Variants in FXR2 observed in about 807,000 individuals in gnomAD.
FXR2 encodes the protein RNA-binding protein FXR2.
Under a neutral mutation model 87.3 loss-of-function variants are expected in FXR2, and 9 were observed. That is an observed-to-expected ratio of 0.10 (90% confidence interval 0.06 to 0.18). FXR2 has a LOEUF of 0.18. Ranked by LOEUF, FXR2 falls within the 10% of genes least tolerant of loss-of-function variation. The probability of loss-of-function intolerance (pLI) is 1.00; values close to 1 mark genes in which losing one functional copy is unlikely to be tolerated. For synonymous variants in FXR2, 331 were observed against 328.3 expected (o/e 1.01, Z -0.09); for missense variants, 661 against 893.6 (o/e 0.74, Z 3.32).
In FXR2 at chr17:7,594,266, T is replaced by A; in HGVS notation, c.992A>T (p.Asp331Val). Residue 331 changes from aspartate (D) to valine (V), a missense_variant, in exon 10 of 17, where the codon GAT (aspartate) becomes GTT (valine). Coordinates refer to ENST00000250113, the MANE Select transcript of FXR2 (RefSeq NM_004860.4). This position sits in a 1 kb window ranked among gnomAD's most constrained non-coding sequence, Gnocchi z 5.1. ...SGVVRVRVEGDNDKKNPREEG... is the reference protein window; with the variant it reads ...SGVVRVRVEGVNDKKNPREEG... ...CTCCCTGGGGTTCTTCTTGTCATTA[T>A]CACCTTCCACTCGAACCCTCACCAC... is the stretch of plus-strand genomic sequence containing the variant. The A allele has an allele frequency of 6.2e-7, 1 of 1,609,090 alleles. No individual in the cohort carries two copies. The highest frequency in any genetic ancestry group is 8.5e-7 in the Non-Finnish European group (1 of 1,175,450).
chr17:7,609,996 A>G (rs1320936449), intron 1 of FXR2, among the ~76,000 whole-genome samples: 2 of 135,004 alleles, frequency 1.5e-5, no homozygotes, highest in South Asian at 2.4e-4. Context: ...ATATACATGT[A>G]TATGTATACA....
In FXR2 at chr17:7,596,833, T is replaced by A. The variant is rs115043604; in HGVS notation, c.661-839A>T. On this transcript the variant is annotated intron_variant, in intron 7 of 16. Coordinates refer to ENST00000250113, the MANE Select transcript of FXR2 (RefSeq NM_004860.4). The stretch of plus-strand genomic sequence containing the variant: ...AAAGTGAGGGGTAGGCTGTGCGCGG[T>A]GGCTCACGCCTGTAATTCCAGCACT... 5.4e-3 allele frequency among the ~76,000 whole-genome samples: 817 copies of A among 152,194 alleles called. 10 individuals carry two copies. The highest frequency in any genetic ancestry group is 0.019 in the African/African-American group (782 of 41,524).
chr17:7,603,900 A>G lies in FXR2; in HGVS notation c.306T>C (p.Tyr102=), dbSNP rs193039126. 20 of 1,614,020 alleles carry G rather than the reference A, an allele frequency of 1.2e-5. No individual in the cohort carries two copies. In the African/African-American group the frequency reaches 1.7e-4, roughly 14 times the overall value. ...CATCACAGGCAGCATATTCAATGAC[A>G]TAGAACTGGCACATGGTAAAAAAGG... ...ARVRMMKGDF[Y]VIEYAACDAT... Residue 102 remains tyrosine (Y), a synonymous_variant, in exon 5 of 17, where the codon TAT becomes TAC. Coordinates refer to ENST00000250113, the MANE Select transcript of FXR2 (RefSeq NM_004860.4).
rs1401514041 is a variant in FXR2, at chr17:7,613,455, G to C, written c.81+997C>G. Among the ~76,000 whole-genome samples, 5 of 152,176 alleles carry C rather than the reference G, an allele frequency of 3.3e-5. No homozygotes were observed. The East Asian group carries it at 9.6e-4, about 29-fold the overall frequency. On this transcript the variant is annotated intron_variant, in intron 1 of 16. Coordinates refer to ENST00000250113, the MANE Select transcript of FXR2 (RefSeq NM_004860.4). ...TAGAAAATAGATTCAGAGCAGATAAGGAAGGTGGTATTATAAGGAGTTCTA... is the reference window on the plus strand; with the variant it reads ...TAGAAAATAGATTCAGAGCAGATAACGAAGGTGGTATTATAAGGAGTTCTA...
At chr17:7,603,659 C>A in intron 5 of FXR2, 98 bp downstream of exon 5, 1 of 1,191,546 alleles carries the variant, frequency 8.4e-7, no homozygotes, top group Non-Finnish European at 1.2e-6. Context: ...AGGGGAACAA[C>A]AGAGAAAACT....
intron 1 of FXR2, among the ~76,000 whole-genome samples, chr17:7,610,519 T>A (rs964403051): frequency 6.6e-6 from 1 of 152,166 alleles, no homozygotes; most frequent in African/African-American, 2.4e-5. Context: ...ATCTCTCACA[T>A]TACTCAGCAG....
At chr17:7,609,793 C>T (rs542024257) in intron 1 of FXR2, among the ~76,000 whole-genome samples, 11 of 151,288 alleles carry the variant, frequency 7.3e-5, no homozygotes, top group Admixed American at 1.3e-4. Flanking sequence ...ACTTGGAGGC[C>T]GAGGTCGGTA....
In FXR2 at chr17:7,605,628, T is replaced by TACTC; in HGVS notation, c.228+13_228+16dup. ...GGGAAAAGTGACATTTAGAAAGGTG[T>TACTC]ACTCCACAGCCCTTACCTCCACTTC... On this transcript the variant is annotated intron_variant, in intron 3 of 16. Coordinates refer to ENST00000250113, the MANE Select transcript of FXR2 (RefSeq NM_004860.4). The TACTC allele has an allele frequency of 2.4e-6, 3 of 1,255,080 alleles. No individual in the cohort carries two copies. The highest frequency in any genetic ancestry group is 3.5e-6 in the Non-Finnish European group (3 of 857,160). 77.7% of individuals were successfully genotyped at this position (1,255,080 alleles called of 1,614,324 possible). A position where few individuals can be genotyped will look rare whatever the true frequency, so the allele number is the denominator to read the frequency against.
rs1375052617 is a variant in FXR2 at position 7,604,769 on chromosome 17, T to C, written c.229-689A>G. 2.0e-5 allele frequency among the ~76,000 whole-genome samples: 3 copies of C among 147,508 alleles called. No homozygotes were observed. In the East Asian group the frequency reaches 6.6e-4, roughly 32 times the overall value. On this transcript the variant is annotated intron_variant, in intron 3 of 16. Transcript: ENST00000250113. ...AGAGTTTCGCTCTTGGTGCTCAGGC[T>C]GGAGTGCAATGGCACAATCTCAGCT...
intron 1 of FXR2, among the ~76,000 whole-genome samples, chr17:7,607,563 G>C (rs2071813343): frequency 6.6e-6 from 1 of 151,722 alleles, no homozygotes; most frequent in Non-Finnish European, 1.5e-5. Flanking sequence ...GAGTAGCTGA[G>C]ATTACAGGCA....
At chr17:7,604,499 C>T (rs1180321221) in intron 3 of FXR2, among the ~76,000 whole-genome samples, 1 of 151,894 alleles carries the variant, frequency 6.6e-6, no homozygotes, top group Non-Finnish European at 1.5e-5. Context: ...CAAGACCAGC[C>T]TGGCCAACAT....
chr17:7,594,894 G>A lies in FXR2; in HGVS notation c.832-137C>T. The A allele has an allele frequency of 1.6e-6, 1 of 636,424 alleles. No individual in the cohort carries two copies. Among genetic ancestry groups the A allele is most frequent in the Non-Finnish European group, 2.8e-6 (1 of 355,106 alleles). The allele number at this position is 636,424 out of a possible 1,614,324, so 39.4% of individuals were successfully genotyped here. The stretch of plus-strand genomic sequence containing the variant: ...AGCTCAAGAGTTCAAGACTAGCCTG[G>A]GCAATATGGTGAAACGCCATCTCTA... On this transcript the variant is annotated intron_variant, in intron 8 of 16. Coordinates refer to ENST00000250113, the MANE Select transcript of FXR2 (RefSeq NM_004860.4). The surrounding 1 kb of genome is among the most constrained non-coding windows in gnomAD (Gnocchi z 5.1).
rs1414104031 is a variant in FXR2 at position 7,594,820 on chromosome 17, C to T, written c.832-63G>A. On this transcript the variant is annotated intron_variant, in intron 8 of 16. Transcript: ENST00000250113. This position sits in a 1 kb window ranked among gnomAD's most constrained non-coding sequence, Gnocchi z 5.1. ...AAGACCAGCTGGATGTGGTGGCTCA[C>T]GCCTGTAATCCCAGCACTTTGGGAG... 46 of 982,880 alleles carry T rather than the reference C, an allele frequency of 4.7e-5. No homozygotes were observed. The Middle Eastern group carries it at 8.4e-4, about 18-fold the overall frequency. The allele number at this position is 982,880 out of a possible 1,614,324, so 60.9% of individuals were successfully genotyped here.
rs992455479 is a variant in FXR2 at position 7,592,367 on chromosome 17, G to A, written c.1826-13C>T. ...TCAGCCACAGTCACTGGGGAAGGCA[G>A]GAGATTAAGACTTTCAGATGGAATT... On this transcript the variant is annotated splice_polypyrimidine_tract_variant and intron_variant, in intron 15 of 16. Transcript: ENST00000250113. This position sits in a 1 kb window ranked among gnomAD's most constrained non-coding sequence, Gnocchi z 4.8. 3 of 1,600,790 alleles carry A rather than the reference G, an allele frequency of 1.9e-6. No homozygotes were observed. The highest frequency in any genetic ancestry group is 2.7e-5 in the African/African-American group (2 of 74,630).
In FXR2 at chr17:7,593,270, C is replaced by T; in HGVS notation, c.1331-89G>A. The T allele has an allele frequency of 8.1e-7, 1 of 1,236,556 alleles. No homozygotes were observed. The highest frequency in any genetic ancestry group is 1.1e-6 in the Non-Finnish European group (1 of 899,114). 76.6% of individuals were successfully genotyped at this position (1,236,556 alleles called of 1,614,324 possible). On this transcript the variant is annotated intron_variant, in intron 12 of 16. Transcript: ENST00000250113. This position sits in a 1 kb window ranked among gnomAD's most constrained non-coding sequence, Gnocchi z 6.1. Reference sequence around the variant, plus strand: ...CAAACTGGAAGAATTCTCCTTCTCACTCACAAGCCTCCCAGCCAATCAATC... The same window carrying T: ...CAAACTGGAAGAATTCTCCTTCTCATTCACAAGCCTCCCAGCCAATCAATC...
In FXR2 at chr17:7,594,146, C is replaced by A; in HGVS notation, c.1020+92G>T. 1.1e-6 allele frequency: 1 copy of A among 911,332 alleles called. No individual in the cohort carries two copies. The highest frequency in any genetic ancestry group is 1.8e-6 in the Non-Finnish European group (1 of 556,952). The allele number at this position is 911,332 out of a possible 1,614,324, so 56.5% of individuals were successfully genotyped here. A position where few individuals can be genotyped will look rare whatever the true frequency, so the allele number is the denominator to read the frequency against. Reference sequence around the variant, plus strand: ...CTAGTGTTAAACAACTTTCCGTACTCCACCCTCTCAAAGAACAATCCCAGC... The same window carrying A: ...CTAGTGTTAAACAACTTTCCGTACTACACCCTCTCAAAGAACAATCCCAGC... On this transcript the variant is annotated intron_variant, in intron 10 of 16. Transcript: ENST00000250113. The surrounding 1 kb of genome is among the most constrained non-coding windows in gnomAD (Gnocchi z 5.1).
In FXR2 at chr17:7,593,894, A is replaced by AT; in HGVS notation, c.1107+23dup. ...TCTTAGTTCCCTTTTCACACCCAGC[A>AT]TTTTTCTCTCCCGGCCTGGGTACCT... On this transcript the variant is annotated intron_variant, in intron 11 of 16. Transcript: ENST00000250113. This position sits in a 1 kb window ranked among gnomAD's most constrained non-coding sequence, Gnocchi z 6.1. 6.7e-7 allele frequency: 1 copy of AT among 1,486,906 alleles called. No homozygotes were observed. Among genetic ancestry groups the AT allele is most frequent in the Non-Finnish European group, 9.4e-7 (1 of 1,064,134 alleles). 92.1% of individuals were successfully genotyped at this position (1,486,906 alleles called of 1,614,324 possible). A position where few individuals can be genotyped will look rare whatever the true frequency, so the allele number is the denominator to read the frequency against.
Position 7,603,844 on chromosome 17 carries a change from C to T in FXR2, c.362G>A (p.Arg121Gln), listed in dbSNP as rs568403349. ...ATYNEIVTLERLRPVNPNPLA... is the reference protein window; with the variant it reads ...ATYNEIVTLEQLRPVNPNPLA... ...GGGATTGGGATTAACTGGCCGAAGTCGCTCCAGGGTAACAATTTCATTGTA... is the reference window on the plus strand; with the variant it reads ...GGGATTGGGATTAACTGGCCGAAGTTGCTCCAGGGTAACAATTTCATTGTA... The change falls in exon 5 of 17, where the codon CGA becomes CAA. Residue 121 changes from arginine to glutamine, a missense_variant. By Grantham distance (43) the Arg-to-Gln change is conservative (BLOSUM62 1). Transcript: ENST00000250113. 4 of 1,613,888 alleles carry T rather than the reference C, an allele frequency of 2.5e-6. No individual in the cohort carries two copies. The highest frequency in any genetic ancestry group is 2.2e-5 in the East Asian group (1 of 44,880).
chr17:7,609,802 T>C (rs1034595268), intron 1 of FXR2, among the ~76,000 whole-genome samples: 1 of 151,416 alleles, frequency 6.6e-6, no homozygotes, highest in African/African-American at 2.4e-5. Flanking sequence ...CCGAGGTCGG[T>C]AGATCAGCTG....
Sources: gnomAD v4.1 joint callset for allele counts (sites outside exome capture counted in the v4.1 genomes callset) on GRCh38, gnomAD v4.1.1 for gene constraint, Gnocchi (gnomAD v3.1) non-coding constraint, MANE v1.5 for transcripts, NCBI Gene and HGNC (gene_info 2026-07-23, HGNC 2026-07-21) for gene names.